MALRD1: variants seen among roughly 807,000 people sequenced by gnomAD.
The protein encoded by MALRD1 is MAM and LDL receptor class A domain containing 1, also known as MAM and LDL-receptor class A domain-containing protein 1.
Under a neutral mutation model 242.1 loss-of-function variants are expected in MALRD1, and 247 were observed. The observed-to-expected ratio is 1.02, with a 90% confidence interval of 0.92 to 1.13. The LOEUF is 1.13. Ranked by LOEUF, MALRD1 falls within the 50% of genes most tolerant of loss-of-function variation. The probability of loss-of-function intolerance (pLI) is 0.00; values close to 1 mark genes in which losing one functional copy is unlikely to be tolerated. For synonymous variants in MALRD1, 995 were observed against 866.6 expected, an observed-to-expected ratio of 1.15 and a Z score of -2.60; for missense variants, 2,989 against 2,533.1, an observed-to-expected ratio of 1.18 and a Z score of -3.86.
chr10:19,345,823 G>A (rs1233214310), intron 24 of MALRD1, among the ~76,000 whole-genome samples: 1 of 148,270 alleles, frequency 6.7e-6, no homozygotes, highest in Non-Finnish European at 1.5e-5. Flanking sequence ...TTTCTTTATT[G>A]TACAAGTTTC....
At chr10:19,564,150 G>A (rs2131450704) in intron 32 of MALRD1, among the ~76,000 whole-genome samples, 1 of 152,154 alleles carries the variant, frequency 6.6e-6, no homozygotes, top group Middle Eastern at 3.4e-3. Flanking sequence ...ATGCATGCAT[G>A]GCTTAATACA....
chr10:19,392,639 A>G (rs2130825256), intron 28 of MALRD1, among the ~76,000 whole-genome samples: 1 of 152,290 alleles, frequency 6.6e-6, no homozygotes, highest in East Asian at 1.9e-4. Flanking sequence ...TTTTCATTAG[A>G]GAGATGTAAC....
At chr10:19,466,309 T>G (rs545579508) in intron 29 of MALRD1, among the ~76,000 whole-genome samples, 9 of 152,272 alleles carry the variant, frequency 5.9e-5, no homozygotes, top group Non-Finnish European at 1.3e-4. Flanking sequence ...TGATGAAAAT[T>G]TTTTTTCCAA....
chr10:19,281,421 C>T (rs1010567689), intron 20 of MALRD1, among the ~76,000 whole-genome samples: 3 of 152,156 alleles, frequency 2.0e-5, no homozygotes, highest in South Asian at 2.1e-4. Flanking sequence ...TCAACTTTGC[C>T]GTTTTAGTGA....
chr10:19,345,200 A>G (rs1225801536), intron 24 of MALRD1, among the ~76,000 whole-genome samples: 1 of 150,160 alleles, frequency 6.7e-6, no homozygotes, highest in Non-Finnish European at 1.5e-5. Flanking sequence ...AACAAGGGAA[A>G]AGATCAAAAG....
At chr10:19,331,781 T>C (rs1369708650) in intron 24 of MALRD1, among the ~76,000 whole-genome samples, 199 bp downstream of exon 24, 1 of 152,098 alleles carries the variant, frequency 6.6e-6, no homozygotes, top group African/African-American at 2.4e-5. Context: ...AATTGATGGC[T>C]GTGTGTGTGT....
At chr10:19,152,391 A>T (rs1237684909) in intron 11 of MALRD1, among the ~76,000 whole-genome samples, 1 of 152,214 alleles carries the variant, frequency 6.6e-6, no homozygotes, top group African/African-American at 2.4e-5. Flanking sequence ...TAAAATTATC[A>T]TAGGATAGCA....
At chr10:19,119,952 G>A (rs1202436235) in intron 5 of MALRD1, among the ~76,000 whole-genome samples, 2 of 152,152 alleles carry the variant, frequency 1.3e-5, no homozygotes, top group South Asian at 2.1e-4. Context: ...TTGCAAAGGC[G>A]GTTTCAAGAT....
chr10:19,245,820 A>C (rs1019159304), intron 18 of MALRD1, among the ~76,000 whole-genome samples: 65 of 152,340 alleles, frequency 4.3e-4, no homozygotes, highest in African/African-American at 1.6e-3. Context: ...ATTAAATGAT[A>C]TGTAAAGTAA....
chr10:19,390,149 ATAGT>A (rs983817504), intron 28 of MALRD1, among the ~76,000 whole-genome samples: 1 of 152,188 alleles, frequency 6.6e-6, no homozygotes, highest in Non-Finnish European at 1.5e-5. Flanking sequence ...TCATTATATA[ATAGT>A]AATTAATCTA....
chr10:19,230,613 G>T (rs1263622955), intron 18 of MALRD1, among the ~76,000 whole-genome samples: 5 of 152,158 alleles, frequency 3.3e-5, no homozygotes, highest in Admixed American at 3.3e-4. Context: ...ATTTTAACAT[G>T]AGATTTGAAG....
At chr10:19,101,762 TA>T (rs1168402105) in intron 4 of MALRD1, among the ~76,000 whole-genome samples, 1 of 136,084 alleles carries the variant, frequency 7.3e-6, no homozygotes, top group Non-Finnish European at 1.5e-5. Flanking sequence ...TATATTATAA[TA>T]TGTATATTAT....
chr10:19,690,477 T>C (rs189588177), intron 36 of MALRD1, among the ~76,000 whole-genome samples: 11 of 152,192 alleles, frequency 7.2e-5, no homozygotes, highest in East Asian at 1.9e-4. Flanking sequence ...AAGTTCAGAA[T>C]TGGAGAATAT....
rs765486322 is a variant in MALRD1, at chr10:19,129,799, TTA to T, written c.1110+1416_1110+1417del. On this transcript the variant is annotated intron_variant, in intron 8 of 39. Coordinates refer to ENST00000454679, the MANE Select transcript of MALRD1 (RefSeq NM_001142308.3). ...TATTTATTATTTTATGTATCCAGAT[TTA>T]TATGATTCACATAATTACATCTATA... 4.0e-5 allele frequency among the ~76,000 whole-genome samples: 6 copies of T among 149,040 alleles called. No homozygotes were observed. The East Asian group carries it at 5.8e-4, about 15-fold the overall frequency.
chr10:19,218,415 G>A (rs1837419541), intron 18 of MALRD1, among the ~76,000 whole-genome samples: 1 of 152,084 alleles, frequency 6.6e-6, no homozygotes, highest in Admixed American at 6.6e-5. Context: ...AATACGAAGA[G>A]TGTTATATCT....
At chr10:19,669,927 A>G (rs986238598) in intron 36 of MALRD1, among the ~76,000 whole-genome samples, 13 of 152,290 alleles carry the variant, frequency 8.5e-5, no homozygotes, top group Non-Finnish European at 1.9e-4. Flanking sequence ...ATTTATCAAA[A>G]TGGAGGCTCA....
intron 39 of MALRD1, 111 bp downstream of exon 39, chr10:19,730,892 TA>T: frequency 2.0e-6 from 2 of 1,002,434 alleles, no homozygotes; most frequent in South Asian, 3.1e-5. Flanking sequence ...ACATCATAAC[TA>T]AAAGAAATGT....
intron 38 of MALRD1, chr10:19,716,994 G>T (rs1834422440): frequency 6.6e-6 from 1 of 152,144 alleles, no homozygotes; most frequent in Admixed American, 6.5e-5. Context: ...GGACAATACT[G>T]ATTTTTCAAA....
At chr10:19,721,651 C>T (rs1321283812) in intron 38 of MALRD1, 1 of 152,172 alleles carries the variant, frequency 6.6e-6, no homozygotes, top group Non-Finnish European at 1.5e-5. Flanking sequence ...AAAAGAAATA[C>T]ATAGGAAGAC....
Sources: gnomAD v4.1 joint callset for allele counts (sites outside exome capture counted in the v4.1 genomes callset) on GRCh38, gnomAD v4.1.1 for gene constraint, MANE v1.5 for transcripts, NCBI Gene and HGNC (gene_info 2026-07-23, HGNC 2026-07-21) for gene names.